RAB11FIP4: variants seen among roughly 807,000 people sequenced by gnomAD.
RAB11FIP4 encodes rab11 family-interacting protein 4.
In RAB11FIP4, 23 loss-of-function variants were observed where a neutral mutation model predicts 74.3. That is an observed-to-expected ratio of 0.31 (90% CI 0.22 to 0.44). RAB11FIP4 has a LOEUF of 0.44. RAB11FIP4 is among the 20% of genes least tolerant of loss of function. The probability of loss-of-function intolerance (pLI) is 1.00; values close to 1 mark genes in which losing one functional copy is unlikely to be tolerated. For missense variants in RAB11FIP4, 630 were observed against 863.9 expected, an observed-to-expected ratio of 0.73 and a Z score of 3.39; for synonymous variants, 360 against 359.9, an observed-to-expected ratio of 1.00 and a Z score of 0.00.
chr17:31,393,004 T>A (rs1281584515), intron 1 of RAB11FIP4, among the ~76,000 whole-genome samples: 1 of 152,166 alleles, frequency 6.6e-6, no homozygotes, highest in Non-Finnish European at 1.5e-5. Context: ...GGACCAGGCA[T>A]TTCAGAACAT....
intron 9 of RAB11FIP4, chr17:31,524,425 C>G (rs571225434): frequency 2.1e-4 from 41 of 193,098 alleles, no homozygotes; most frequent in Non-Finnish European, 3.0e-4. Flanking sequence ...GTTCCTGATG[C>G]TGTCTGCAGT....
At chr17:31,456,882 C>T (rs934091441) in intron 3 of RAB11FIP4, among the ~76,000 whole-genome samples, 6 of 152,154 alleles carry the variant, frequency 3.9e-5, no homozygotes, top group South Asian at 2.1e-4. Context: ...CCAATGGAAG[C>T]GGGAGCATTG....
rs114086276 is a variant in RAB11FIP4, at chr17:31,428,044, G to A, written c.160-3769G>A. Among the ~76,000 whole-genome samples, 541 of 152,294 alleles carry A rather than the reference G, an allele frequency of 3.6e-3. 2 individuals carry two copies. The highest frequency in any genetic ancestry group is 0.012 in the African/African-American group (513 of 41,568). ...GAGGTTCACAGAAAGAATGTGGCACGGCCCCTCTGCCCTTCCCTCACCCCA... is the reference window on the plus strand; with the variant it reads ...GAGGTTCACAGAAAGAATGTGGCACAGCCCCTCTGCCCTTCCCTCACCCCA... On this transcript the variant is annotated intron_variant, in intron 1 of 14. Transcript: ENST00000621161.
chr17:31,487,126 G>A (rs2071912363), intron 3 of RAB11FIP4, among the ~76,000 whole-genome samples: 1 of 152,208 alleles, frequency 6.6e-6, no homozygotes, highest in Admixed American at 6.5e-5. Context: ...GAGCCAGACA[G>A]GAAGATAAAT....
chr17:31,405,898 T>C (rs2071037471), intron 1 of RAB11FIP4, among the ~76,000 whole-genome samples: 1 of 152,118 alleles, frequency 6.6e-6, no homozygotes, highest in Admixed American at 6.5e-5. Flanking sequence ...CCTGAATCTG[T>C]TCTAGAGATG....
chr17:31,398,568 C>T (rs950260168), intron 1 of RAB11FIP4, among the ~76,000 whole-genome samples: 2 of 152,206 alleles, frequency 1.3e-5, no homozygotes, highest in African/African-American at 4.8e-5. Flanking sequence ...AAGACGTGCC[C>T]TCCGAGGGAT....
chr17:31,444,085 G>A (rs1327208163), intron 3 of RAB11FIP4, among the ~76,000 whole-genome samples: 1 of 152,184 alleles, frequency 6.6e-6, no homozygotes, highest in African/African-American at 2.4e-5. Flanking sequence ...CTGGGGAGGA[G>A]GCCTACAGCC....
rs371163147 is a variant in RAB11FIP4 at position 31,470,733 on chromosome 17, G to A, written c.336+36611G>A. 4.1e-4 allele frequency among the ~76,000 whole-genome samples: 63 copies of A among 152,312 alleles called. No homozygotes were observed. In the East Asian group the frequency reaches 5.8e-3, roughly 14 times the overall value. ...CTTAACTGTCCTGTGTGGTAGGTAC[G>A]TTTATCCCTATTTCACAGATGTGAG... On this transcript the variant is annotated intron_variant, in intron 3 of 14. Transcript: ENST00000621161.
intron 9 of RAB11FIP4, chr17:31,524,497 C>T (rs1303121292): frequency 1.2e-5 from 2 of 170,890 alleles, no homozygotes; most frequent in East Asian, 1.7e-4. Flanking sequence ...CATACCCTGG[C>T]CAGGGGTCCG....
intron 3 of RAB11FIP4, chr17:31,488,114 G>T (rs2071932783): frequency 9.7e-7 from 1 of 1,025,652 alleles, no homozygotes; most frequent in Non-Finnish European, 1.2e-6. Context: ...TTCCACTGGT[G>T]CCCAGAAGTG....
chr17:31,439,787 TTTTGTTTGTTTG>T (rs983386327), intron 3 of RAB11FIP4, among the ~76,000 whole-genome samples: 1 of 151,998 alleles, frequency 6.6e-6, no homozygotes, highest in African/African-American at 2.4e-5. Context: ...ATTTTTGTTT[TTTTGTTTGTTTG>T]TTTGTTTGTT....
intron 3 of RAB11FIP4, among the ~76,000 whole-genome samples, chr17:31,453,523 G>T (rs1005834462): frequency 5.9e-5 from 9 of 152,008 alleles, no homozygotes; most frequent in Admixed American, 4.6e-4. Flanking sequence ...GATGGAGGTT[G>T]TAACTCGTGT....
At chr17:31,411,327 T>G (rs963447638) in intron 1 of RAB11FIP4, among the ~76,000 whole-genome samples, 13 of 152,052 alleles carry the variant, frequency 8.5e-5, no homozygotes, top group East Asian at 3.9e-4. Context: ...TCGCACCACT[T>G]CACTCCAGCC....
chr17:31,402,801 AT>A (rs1171484891), intron 1 of RAB11FIP4, among the ~76,000 whole-genome samples: 190 of 149,284 alleles, frequency 1.3e-3, no homozygotes, highest in South Asian at 2.7e-3. Context: ...TTTTTTTTGT[AT>A]TTTTAGTAGA....
intron 10 of RAB11FIP4, chr17:31,527,049 A>G (rs2072778572): frequency 1.3e-5 from 2 of 152,426 alleles, no homozygotes; most frequent in African/African-American, 2.4e-5. Flanking sequence ...GTCAGAGCCC[A>G]TGCCTGTGGT....
chr17:31,425,743 G>A (rs1184420953), intron 1 of RAB11FIP4, among the ~76,000 whole-genome samples: 2 of 152,228 alleles, frequency 1.3e-5, no homozygotes, highest in Non-Finnish European at 2.9e-5. Context: ...AGTGACAACA[G>A]CTGCTTCTGC....
intron 1 of RAB11FIP4, among the ~76,000 whole-genome samples, chr17:31,430,830 G>A (rs1436529982): frequency 2.0e-5 from 3 of 152,158 alleles, no homozygotes; most frequent in Non-Finnish European, 2.9e-5. Flanking sequence ...GTGGGATACA[G>A]TGGGAGCATG....
intron 1 of RAB11FIP4, among the ~76,000 whole-genome samples, chr17:31,404,335 T>C (rs777069314): frequency 1.3e-5 from 2 of 152,200 alleles, no homozygotes; most frequent in Non-Finnish European, 2.9e-5. Context: ...ACTTTTCTAC[T>C]GCACCTCAGA....
At chr17:31,452,955 C>T (rs1032347369) in intron 3 of RAB11FIP4, among the ~76,000 whole-genome samples, 5 of 152,102 alleles carry the variant, frequency 3.3e-5, no homozygotes, top group Non-Finnish European at 5.9e-5. Flanking sequence ...CAGCTGACCC[C>T]GCGGGGAACT....
Sources: allele counts gnomAD v4.1 joint callset (sites outside exome capture counted in the v4.1 genomes callset), GRCh38; gene constraint gnomAD v4.1.1; transcripts MANE v1.5; gene names NCBI Gene and HGNC (gene_info 2026-07-23, HGNC 2026-07-21).